The following LARGE1 variants were observed in gnomAD, a reference collection of about 807,000 sequenced individuals.
The protein encoded by LARGE1 is xylosyl- and glucuronyltransferase LARGE1.
In LARGE1, 43 loss-of-function variants were observed where a neutral mutation model predicts 87.6. That is an observed-to-expected ratio of 0.49 (90% CI 0.38 to 0.63). The LOEUF (loss-of-function observed/expected upper bound fraction) is 0.63, where lower values mean the gene tolerates loss of function less well. Among genes scored for constraint, LARGE1 ranks in the 30% least tolerant of loss-of-function variants. The pLI, the probability that LARGE1 is intolerant of heterozygous loss-of-function variation, is 0.00. For synonymous variants in LARGE1, 434 were observed against 394.6 expected (o/e 1.10, Z -1.18); for missense variants, 802 against 1,000.2 (o/e 0.80, Z 2.67).
intron 1 of LARGE1, among the ~76,000 whole-genome samples, chr22:33,851,718 T>C (rs2063588118): frequency 6.6e-6 from 1 of 152,222 alleles, no homozygotes; most frequent in Non-Finnish European, 1.5e-5. Flanking sequence ...CAATTTGGAC[T>C]GTGTTCAGTG....
intron 10 of LARGE1, chr22:33,322,781 G>A (rs1300578943): frequency 6.6e-6 from 1 of 152,132 alleles, no homozygotes; most frequent in African/African-American, 2.4e-5. Context: ...TGTATAAAGG[G>A]TATTATCTAG....
chr22:33,682,306 A>C (rs1219135562), intron 2 of LARGE1, among the ~76,000 whole-genome samples: 1 of 152,222 alleles, frequency 6.6e-6, no homozygotes, highest in Non-Finnish European at 1.5e-5. Context: ...GTCTGTGAAA[A>C]TTGTACCTTG....
chr22:33,512,015 T>A (rs2148446731), intron 6 of LARGE1, among the ~76,000 whole-genome samples: 1 of 152,336 alleles, frequency 6.6e-6, no homozygotes, highest in East Asian at 1.9e-4. Context: ...AAGCCATGAT[T>A]TTTTTCCTTG....
At chr22:33,561,094 G>A (rs1051209792) in intron 6 of LARGE1, among the ~76,000 whole-genome samples, 9 of 152,200 alleles carry the variant, frequency 5.9e-5, no homozygotes, top group Non-Finnish European at 1.2e-4. Context: ...GATTACAGGC[G>A]TGAGCCATCA....
At chr22:33,314,196 A>G (rs569099175) in intron 11 of LARGE1, among the ~76,000 whole-genome samples, 37 of 152,206 alleles carry the variant, frequency 2.4e-4, no homozygotes, top group African/African-American at 8.7e-4. Context: ...CTTTTGTCCC[A>G]TGCTGTCTTT....
intron 11 of LARGE1, among the ~76,000 whole-genome samples, chr22:33,204,422 G>T (rs943914868): frequency 2.0e-5 from 3 of 152,124 alleles, no homozygotes; most frequent in Non-Finnish European, 4.4e-5. Context: ...TCACTAAAAT[G>T]TAAGACTTTT....
chr22:33,414,260 T>C (rs1408576849), intron 7 of LARGE1, among the ~76,000 whole-genome samples: 1 of 151,956 alleles, frequency 6.6e-6, no homozygotes, highest in Non-Finnish European at 1.5e-5. Flanking sequence ...TTTAAAATGG[T>C]CAAACTAATA....
chr22:33,324,727 A>G (rs1039682375), intron 10 of LARGE1, among the ~76,000 whole-genome samples: 1 of 152,336 alleles, frequency 6.6e-6, no homozygotes, highest in East Asian at 1.9e-4. Context: ...CTCTGGCCTT[A>G]GAGACTTCTG....
intron 11 of LARGE1, among the ~76,000 whole-genome samples, chr22:33,176,531 A>G (rs1361368017): frequency 6.6e-6 from 1 of 152,248 alleles, no homozygotes; most frequent in Non-Finnish European, 1.5e-5. Context: ...GAAGGCATTT[A>G]TGCAGCCAAC....
At chr22:33,188,853 A>T (rs1923624882) in intron 11 of LARGE1, among the ~76,000 whole-genome samples, 1 of 152,078 alleles carries the variant, frequency 6.6e-6, no homozygotes, top group African/African-American at 2.4e-5. Context: ...CCAGGAAGGC[A>T]CTTGCAGGAG....
chr22:33,782,290 C>T (rs1035112753), intron 1 of LARGE1, among the ~76,000 whole-genome samples: 1 of 152,048 alleles, frequency 6.6e-6, no homozygotes, highest in African/African-American at 2.4e-5. Context: ...CTCTCCCAGT[C>T]CAAATCCACA....
chr22:33,807,349 C>T (rs1046628451), intron 1 of LARGE1, among the ~76,000 whole-genome samples: 1 of 152,126 alleles, frequency 6.6e-6, no homozygotes, highest in Non-Finnish European at 1.5e-5. Flanking sequence ...ACTTTCGTAA[C>T]CAGGTCTTTA....
At chr22:33,383,052 T>G (rs1294253354) in intron 8 of LARGE1, among the ~76,000 whole-genome samples, 1 of 152,132 alleles carries the variant, frequency 6.6e-6, no homozygotes, top group Non-Finnish European at 1.5e-5. Context: ...GAAATTGCAC[T>G]TTGAACAAAA....
intron 9 of LARGE1, among the ~76,000 whole-genome samples, chr22:33,375,255 T>C (rs569900854): frequency 5.4e-4 from 83 of 152,374 alleles, no homozygotes; most frequent in African/African-American, 1.8e-3. Context: ...AACTATATAT[T>C]TGTGAACAAG....
intron 1 of LARGE1, among the ~76,000 whole-genome samples, chr22:33,792,726 C>G (rs1208726063): frequency 6.6e-6 from 1 of 152,160 alleles, no homozygotes. Flanking sequence ...TGAAACTCTT[C>G]CTCCATAGGA....
At chr22:33,763,518 G>C (rs2084801091) in intron 1 of LARGE1, among the ~76,000 whole-genome samples, 1 of 152,144 alleles carries the variant, frequency 6.6e-6, no homozygotes, top group African/African-American at 2.4e-5. Context: ...CATTCCACCA[G>C]TCACAGAGAA....
chr22:33,837,740 T>C lies in LARGE1; in HGVS notation c.-82-76182A>G, dbSNP rs5994802. On this transcript the variant is annotated intron_variant, in intron 1 of 14. Coordinates refer to ENST00000397394, the MANE Select transcript of LARGE1 (RefSeq NM_133642.5). ...GCCTATGGCCAGAGCCGGCTCTCAA[T>C]GAGAACTTCAAGAGGCTCTGCCCCA... Among the ~76,000 whole-genome samples the C allele has an allele frequency of 1.0e-3, 157 of 152,320 alleles. 1 individual carries two copies. The highest frequency in any genetic ancestry group is 4.1e-3 in the South Asian group (20 of 4,822).
chr22:33,886,627 T>G (rs1246264089), intron 1 of LARGE1, among the ~76,000 whole-genome samples: 4 of 111,542 alleles, frequency 3.6e-5, no homozygotes, highest in Admixed American at 2.9e-4. Context: ...GCCGAGATCA[T>G]GCACCTGGAC....
At chr22:33,261,505 CAGA>C (rs1295007757) in intron 11 of LARGE1, among the ~76,000 whole-genome samples, 1 of 151,304 alleles carries the variant, frequency 6.6e-6, no homozygotes, top group Admixed American at 6.6e-5. Context: ...ACGTGGCTCT[CAGA>C]AGAATAGCAT....
Sources: allele counts gnomAD v4.1 joint callset (sites outside exome capture counted in the v4.1 genomes callset), GRCh38; gene constraint gnomAD v4.1.1; transcripts MANE v1.5; gene names NCBI Gene and HGNC (gene_info 2026-07-23, HGNC 2026-07-21).